Variants in TBC1D32 observed in about 807,000 individuals in gnomAD.
TBC1D32 encodes protein broad-minded.
A neutral mutation model predicts 170.3 loss-of-function variants in TBC1D32; 151 were observed. The observed-to-expected ratio is 0.89, with a 90% confidence interval of 0.78 to 1.01. TBC1D32 has a LOEUF of 1.01. Among genes scored for constraint, TBC1D32 ranks in the 50% least tolerant of loss-of-function variants. The probability of loss-of-function intolerance (pLI) is 0.00; values close to 1 mark genes in which losing one functional copy is unlikely to be tolerated. For synonymous variants in TBC1D32, 498 were observed against 488.0 expected (o/e 1.02, Z -0.27); for missense variants, 1,464 against 1,457.1 (o/e 1.00, Z -0.08).
chr6:121,130,406 C>G (rs1290896622), intron 25 of TBC1D32, among the ~76,000 whole-genome samples: 1 of 152,076 alleles, frequency 6.6e-6, no homozygotes, highest in African/African-American at 2.4e-5. Flanking sequence ...CGCCTGAACC[C>G]AGGAGGCGGA....
chr6:121,104,524 A>G (rs1778489740), intron 30 of TBC1D32, among the ~76,000 whole-genome samples: 1 of 151,764 alleles, frequency 6.6e-6, no homozygotes, highest in Non-Finnish European at 1.5e-5. Context: ...GAACTAGATA[A>G]TTTAATAAAA....
chr6:121,129,813 T>C (rs968067303), intron 25 of TBC1D32: 20 of 389,800 alleles, frequency 5.1e-5, no homozygotes, highest in South Asian at 2.9e-4. Flanking sequence ...CTTTCAATGA[T>C]TGAGTAGATA....
Position 121,080,384 on chromosome 6 carries a change from T to G in TBC1D32, c.*387A>C, listed in dbSNP as rs376162288. 3.0e-6 allele frequency: 1 copy of G among 336,676 alleles called. No individual in the cohort carries two copies. Among genetic ancestry groups the G allele is most frequent in the South Asian group, 2.2e-5 (1 of 44,460 alleles). The allele number at this position is 336,676 out of a possible 1,614,324, so 20.9% of individuals were successfully genotyped here. A position where few individuals can be genotyped will look rare whatever the true frequency, so the allele number is the denominator to read the frequency against. On this transcript the variant is annotated 3_prime_UTR_variant, in exon 32 of 32. Transcript: ENST00000398212. ...AGGCGCATCACTGCACCCAGCTAATTTCAGTATTGTTAGCAGAGACGAGGT... is the reference window on the plus strand; with the variant it reads ...AGGCGCATCACTGCACCCAGCTAATGTCAGTATTGTTAGCAGAGACGAGGT...
At position 121,080,662 on chromosome 6, in the gene TBC1D32, A is replaced by C; in HGVS notation, c.*109T>G. 3.0e-6 allele frequency: 4 copies of C among 1,336,462 alleles called. No homozygotes were observed. The highest frequency in any genetic ancestry group is 4.1e-6 in the Non-Finnish European group (4 of 985,808). 82.8% of individuals were successfully genotyped at this position (1,336,462 alleles called of 1,614,324 possible). ...ATCGTTATACTTCTCAGTATTTACA[A>C]TATGTATATTCACAAAGTAAATGTT... On this transcript the variant is annotated 3_prime_UTR_variant, in exon 32 of 32. Transcript: ENST00000398212.
chr6:121,227,862 T>G (rs1795262953), intron 20 of TBC1D32, among the ~76,000 whole-genome samples: 1 of 152,146 alleles, frequency 6.6e-6, no homozygotes, highest in South Asian at 2.1e-4. Flanking sequence ...AAAGCTTGTG[T>G]GAGATCAGTG....
chr6:121,228,855 C>T lies in TBC1D32; in HGVS notation c.2365-5503G>A, dbSNP rs985583840. ...ATGTTAAAATCTTCAACTCTGATTGCAGATTTGCCTATTTCTTCCTTAAAT... is the reference window on the plus strand; with the variant it reads ...ATGTTAAAATCTTCAACTCTGATTGTAGATTTGCCTATTTCTTCCTTAAAT... On this transcript the variant is annotated intron_variant, in intron 20 of 31. Coordinates refer to ENST00000398212, the MANE Select transcript of TBC1D32 (RefSeq NM_152730.6). Among the ~76,000 whole-genome samples, 3 of 152,188 alleles carry T rather than the reference C, an allele frequency of 2.0e-5. No homozygotes were observed. In the South Asian group the frequency reaches 6.2e-4, roughly 32 times the overall value.
At chr6:121,271,738 T>C (rs1801462641) in intron 15 of TBC1D32, among the ~76,000 whole-genome samples, 1 of 152,154 alleles carries the variant, frequency 6.6e-6, no homozygotes, top group Admixed American at 6.5e-5. Context: ...ACCAATGACT[T>C]TCTTCACAGA....
chr6:121,099,016 T>C (rs1042228802), intron 30 of TBC1D32, among the ~76,000 whole-genome samples: 5 of 151,998 alleles, frequency 3.3e-5, no homozygotes, highest in Admixed American at 1.3e-4. Flanking sequence ...ATTTTACATT[T>C]TCAAAAAGCA....
At chr6:121,136,998 G>A (rs1782167988) in intron 24 of TBC1D32, among the ~76,000 whole-genome samples, 1 of 152,010 alleles carries the variant, frequency 6.6e-6, no homozygotes, top group Admixed American at 6.6e-5. Flanking sequence ...TGTGTAAAAT[G>A]ATTCACTTAC....
chr6:121,248,439 C>G (rs1583390632), intron 17 of TBC1D32, among the ~76,000 whole-genome samples: 1 of 151,252 alleles, frequency 6.6e-6, no homozygotes, highest in South Asian at 2.1e-4. Flanking sequence ...AAACCCAAAC[C>G]CAGCAGAAGA....
chr6:121,093,660 C>T (rs548070818), intron 30 of TBC1D32, among the ~76,000 whole-genome samples: 8 of 152,112 alleles, frequency 5.3e-5, no homozygotes, highest in Non-Finnish European at 1.2e-4. Context: ...GAATCTGCAA[C>T]AGTTCATTAT....
intron 10 of TBC1D32, among the ~76,000 whole-genome samples, chr6:121,295,009 T>G (rs1805405612): frequency 1.3e-5 from 2 of 152,198 alleles, no homozygotes; most frequent in South Asian, 4.1e-4. Flanking sequence ...TCCTTTGCCT[T>G]AGAATCTTTT....
intron 15 of TBC1D32, among the ~76,000 whole-genome samples, chr6:121,264,872 G>A (rs569937320): frequency 1.3e-5 from 2 of 152,262 alleles, no homozygotes; most frequent in African/African-American, 4.8e-5. Flanking sequence ...ATCCCTTCAT[G>A]CTAAAAACTC....
chr6:121,082,857 A>G (rs1775781245), intron 31 of TBC1D32, among the ~76,000 whole-genome samples: 1 of 151,998 alleles, frequency 6.6e-6, no homozygotes, highest in African/African-American at 2.4e-5. Context: ...AAAATGACAC[A>G]TAAGGCTATT....
At chr6:121,211,994 AACAC>A (rs66924686) in intron 21 of TBC1D32, among the ~76,000 whole-genome samples, 110,380 of 148,504 alleles carry the variant, frequency 0.74, 41,780 homozygotes, top group Non-Finnish European at 0.83. Context: ...GAACAAACAC[AACAC>A]ACACACACAC....
intron 25 of TBC1D32, chr6:121,130,028 CT>C (rs141071793): frequency 0.024 from 8,853 of 369,224 alleles, 387 homozygotes; most frequent in East Asian, 0.13. Context: ...AAACATATCC[CT>C]TTTTTAAAAA....
intron 24 of TBC1D32, among the ~76,000 whole-genome samples, chr6:121,135,788 G>A (rs2128221213): frequency 6.6e-6 from 1 of 152,230 alleles, no homozygotes; most frequent in East Asian, 1.9e-4. Context: ...AGAATGGAGA[G>A]TACTAGTTAA....
intron 24 of TBC1D32, among the ~76,000 whole-genome samples, chr6:121,155,685 T>G (rs1444339868): frequency 6.6e-6 from 1 of 152,160 alleles, no homozygotes. Context: ...TGTTCCTTTA[T>G]GCCTAGCCTA....
chr6:121,290,114 A>G (rs1184991160), intron 12 of TBC1D32, among the ~76,000 whole-genome samples: 1 of 152,226 alleles, frequency 6.6e-6, no homozygotes, highest in Non-Finnish European at 1.5e-5. Context: ...CTAAAACACC[A>G]AAAGCAATGG....
Sources: gnomAD v4.1 joint callset for allele counts (sites outside exome capture counted in the v4.1 genomes callset) on GRCh38, gnomAD v4.1.1 for gene constraint, MANE v1.5 for transcripts, NCBI Gene and HGNC (gene_info 2026-07-23, HGNC 2026-07-21) for gene names.